Variants in MON1A observed in about 807,000 individuals in gnomAD.
MON1A encodes MON1 vesicular trafficking associated A.
A neutral mutation model predicts 44.6 loss-of-function variants in MON1A; 29 were observed. The observed-to-expected ratio is 0.65, with a 90% CI of 0.48 to 0.89. The LOEUF is 0.89. Ranked by LOEUF, MON1A falls within the 40% of genes least tolerant of loss-of-function variation. The probability of loss-of-function intolerance (pLI) is 0.00; values close to 1 mark genes in which losing one functional copy is unlikely to be tolerated. For missense variants in MON1A, 615 were observed against 759.6 expected (o/e 0.81, Z 2.24); for synonymous variants, 275 against 316.4 (o/e 0.87, Z 1.39).
intron 1 of MON1A, among the ~76,000 whole-genome samples, chr3:49,916,271 CA>C (rs1340428549): frequency 6.6e-6 from 1 of 152,212 alleles, no homozygotes; most frequent in Non-Finnish European, 1.5e-5. Context: ...GCATCACCAT[CA>C]GTAGCATTTG....
In MON1A at chr3:49,910,916, C is replaced by A. The variant is rs1362280485; in HGVS notation, c.614-32G>T. The A allele has an allele frequency of 1.3e-6, 2 of 1,556,942 alleles. No individual in the cohort carries two copies. Among genetic ancestry groups the A allele is most frequent in the Admixed American group, 3.9e-5 (2 of 51,864 alleles). On this transcript the variant is annotated intron_variant, in intron 3 of 5. Transcript: ENST00000296473. The surrounding 1 kb of genome is among the most constrained non-coding windows in gnomAD (Gnocchi z 8.0). ...GCGGGACAGGAAAGAAGGATGTCAG[C>A]CTCAGCGGCAGCTCCCTCCGAAAAC...
Position 49,929,635 on chromosome 3 carries a change from A to T in MON1A, c.-40T>A, listed in dbSNP as rs749245453. The stretch of plus-strand genomic sequence containing the variant: ...TGTTTCTCAGAGGAGTCCAGGACGC[A>T]CAGAAGGTGCCGGTCACTGCCCTCT... On this transcript the variant is annotated 5_prime_UTR_variant, in exon 1 of 6. Coordinates refer to ENST00000296473, the MANE Select transcript of MON1A (RefSeq NM_032355.4). 11 of 1,551,530 alleles carry T rather than the reference A, an allele frequency of 7.1e-6. No individual in the cohort carries two copies. The South Asian group carries it at 1.2e-4, about 17-fold the overall frequency.
At position 49,910,371 on chromosome 3, in the gene MON1A, C is replaced by A; in HGVS notation, c.1127G>T (p.Gly376Val). Residue 376 changes from glycine to valine, a missense_variant, in exon 4 of 6, where the codon GGC (glycine) becomes GTC (valine). By Grantham distance (109) the Gly-to-Val change is moderately radical (BLOSUM62 -3). Transcript: ENST00000296473. The surrounding 1 kb of genome is among the most constrained non-coding windows in gnomAD (Gnocchi z 8.0). ...PVCLPKFNAA[G>V]FFHAHISYLE... ...GTAAGAGATGTGTGCGTGGAAGAAG[C>A]CGGCTGCGTTGAATTTGGGCAGGCA... 3 of 1,614,220 alleles carry A rather than the reference C, an allele frequency of 1.9e-6. No homozygotes were observed.
chr3:49,914,090 C>CTTT (rs776537293), intron 1 of MON1A, among the ~76,000 whole-genome samples: 7 of 133,466 alleles, frequency 5.2e-5, no homozygotes, highest in Non-Finnish European at 8.1e-5. Flanking sequence ...TCTTCTTCTT[C>CTTT]TTTTTTTTTT....
rs1331503354 is a variant in MON1A, at chr3:49,911,712, C to T, written c.427G>A (p.Asp143Asn). The T allele has an allele frequency of 1.2e-6, 2 of 1,613,914 alleles. No individual in the cohort carries two copies. Among genetic ancestry groups the T allele is most frequent in the South Asian group, 2.2e-5 (2 of 91,094 alleles). ...EPPREGTTEGDEEDATEAWRL... is the reference protein window; with the variant it reads ...EPPREGTTEGNEEDATEAWRL... The stretch of plus-strand genomic sequence containing the variant: ...CATGCCTCCGTGGCATCCTCCTCAT[C>T]CCCCTCGGTTGTGCCCTCCCTGGGG... Residue 143 changes from aspartate to asparagine, a missense_variant, in exon 3 of 6, where the codon GAT becomes AAT. By Grantham distance (23) the Asp-to-Asn change is conservative. Transcript: ENST00000296473. The surrounding 1 kb of genome is among the most constrained non-coding windows in gnomAD (Gnocchi z 5.7).
At chr3:49,924,903 A>G (rs926198332) in intron 1 of MON1A, among the ~76,000 whole-genome samples, 1 of 152,212 alleles carries the variant, frequency 6.6e-6, no homozygotes, top group Non-Finnish European at 1.5e-5. Flanking sequence ...TCTCGGAAGC[A>G]GATCATCTAG....
In MON1A at chr3:49,910,785, T is replaced by C; in HGVS notation, c.713A>G (p.Tyr238Cys). The part of the protein sequence containing the change: ...SAQELAQELL[Y>C]IYYQILSLLT... ...AAGGCTTAGGATCTGGTAGTAGATGTAGAGCAGCTCCTGCGCCAGCTCTTG... is the reference window on the plus strand; with the variant it reads ...AAGGCTTAGGATCTGGTAGTAGATGCAGAGCAGCTCCTGCGCCAGCTCTTG... Residue 238 changes from tyrosine to cysteine, a missense_variant, in exon 4 of 6, where the codon TAC (tyrosine) becomes TGC (cysteine). Tyr to Cys is a radical substitution (Grantham distance 194, BLOSUM62 -2). Coordinates refer to ENST00000296473, the MANE Select transcript of MON1A (RefSeq NM_032355.4). The surrounding 1 kb of genome is among the most constrained non-coding windows in gnomAD (Gnocchi z 8.0). 1.2e-6 allele frequency: 2 copies of C among 1,614,006 alleles called. No individual in the cohort carries two copies. Among genetic ancestry groups the C allele is most frequent in the African/African-American group, 2.7e-5 (2 of 74,996 alleles).
intron 1 of MON1A, chr3:49,924,426 C>G (rs975683666): frequency 4.8e-6 from 1 of 208,424 alleles, no homozygotes; most frequent in Non-Finnish European, 1.0e-5. Flanking sequence ...TGCCTGTAAT[C>G]CCAGCACTTT....
intron 1 of MON1A, among the ~76,000 whole-genome samples, chr3:49,917,417 C>G (rs1398868519): frequency 6.6e-6 from 1 of 152,142 alleles, no homozygotes; most frequent in Non-Finnish European, 1.5e-5. Context: ...TCCCGAGTAG[C>G]TGGGACTATA....
chr3:49,917,860 A>G (rs886498556), intron 1 of MON1A, among the ~76,000 whole-genome samples: 3 of 151,836 alleles, frequency 2.0e-5, no homozygotes, highest in Non-Finnish European at 4.4e-5. Flanking sequence ...CAGCCTGACC[A>G]ACATGAAGAA....
rs868562182 is a variant in MON1A at position 49,910,680 on chromosome 3, C to T, written c.818G>A (p.Arg273His). Residue 273 changes from arginine to histidine, a missense_variant, in exon 4 of 6, where the codon CGC (arginine) becomes CAC (histidine). Physicochemically the swap from Arg to His is conservative, Grantham distance 29. Coordinates refer to ENST00000296473, the MANE Select transcript of MON1A (RefSeq NM_032355.4). This position sits in a 1 kb window ranked among gnomAD's most constrained non-coding sequence, Gnocchi z 8.0. ...DLRRLLSGSE[R>H]ITDNLLQLMA... ...GAGCTGCAGCAGGTTGTCGGTGATG[C>T]GCTCTGAGCCCGAGAGTAGGCGCCG... The T allele has an allele frequency of 1.9e-6, 3 of 1,609,388 alleles. No homozygotes were observed. Among genetic ancestry groups the T allele is most frequent in the South Asian group, 1.1e-5 (1 of 90,362 alleles).
intron 1 of MON1A, among the ~76,000 whole-genome samples, chr3:49,913,638 C>T (rs998416587): frequency 9.3e-6 from 1 of 107,782 alleles, no homozygotes; most frequent in African/African-American, 3.5e-5. Flanking sequence ...ACTGTTCATA[C>T]GTTAGTGTAT....
chr3:49,912,015 C>A lies in MON1A; in HGVS notation c.128-4G>T. 1 of 1,562,772 alleles carries A rather than the reference C, an allele frequency of 6.4e-7. No homozygotes were observed. ...ATGGCACCCTCCTGGCCCGCACCTG[C>A]AGGCCAAAAGCACTGGTGCTTAGAG... On this transcript the variant is annotated splice_polypyrimidine_tract_variant and splice_region_variant and intron_variant, in intron 2 of 5. Transcript: ENST00000296473.
Position 49,922,704 on chromosome 3 carries a change from C to CTT in MON1A, c.-14+6903_-14+6904dup, listed in dbSNP as rs1215141576. Among the ~76,000 whole-genome samples the CTT allele has an allele frequency of 5.8e-4, 83 of 142,252 alleles. No homozygotes were observed. The South Asian group carries it at 8.1e-3, about 14-fold the overall frequency. 93.3% of individuals were successfully genotyped at this position (142,252 alleles called of 152,430 possible). ...AGAACGAAAGAAAAAAAGACAATTT[C>CTT]TTTTTTTTTTTTTTGAGACAGTCTT... On this transcript the variant is annotated intron_variant, in intron 1 of 5. Transcript: ENST00000296473.
At position 49,910,449 on chromosome 3, in the gene MON1A, T is replaced by C. The variant is rs763954342; in HGVS notation, c.1049A>G (p.Asn350Ser). 4.3e-6 allele frequency: 7 copies of C among 1,614,166 alleles called. No individual in the cohort carries two copies. Among genetic ancestry groups the C allele is most frequent in the East Asian group, 2.2e-5 (1 of 44,864 alleles). Residue 350 changes from asparagine (N) to serine (S), a missense_variant, in exon 4 of 6, where the codon AAC (asparagine) becomes AGC (serine). Transcript: ENST00000296473. The surrounding 1 kb of genome is among the most constrained non-coding windows in gnomAD (Gnocchi z 8.0). The stretch of plus-strand genomic sequence containing the variant: ...AAAGGACGAGGAGGAACTAATGAGG[T>C]TGAAGAGCAGGTGCAGGTCGATGGG... ...LHPIDLHLLFNLISSSSSFRE... is the reference protein window; with the variant it reads ...LHPIDLHLLFSLISSSSSFRE...
At chr3:49,914,540 A>ATTTTTTT (rs35967703) in intron 1 of MON1A, among the ~76,000 whole-genome samples, 4 of 85,980 alleles carry the variant, frequency 4.7e-5, no homozygotes, top group Non-Finnish European at 8.8e-5. Flanking sequence ...CGCCTGCCTA[A>ATTTTTTT]TTTTTTTTTT....
At chr3:49,927,243 A>G (rs576984660) in intron 1 of MON1A, among the ~76,000 whole-genome samples, 1 of 152,286 alleles carries the variant, frequency 6.6e-6, no homozygotes, top group African/African-American at 2.4e-5. Context: ...TTCAGGAACA[A>G]TGGCTCCGAA....
chr3:49,916,395 G>A (rs2082943650), intron 1 of MON1A: 1 of 152,164 alleles, frequency 6.6e-6, no homozygotes, highest in South Asian at 2.1e-4. Flanking sequence ...TCTTCTTTTT[G>A]TCACCTTTAA....
In MON1A at chr3:49,910,523, G is replaced by C; in HGVS notation, c.975C>G (p.Ala325=). ...ARSLVFSILL[A]RNQLVALVRR... Reference sequence around the variant, plus strand: ...GCACGAGTGCCACGAGCTGGTTGCGGGCCAGCAGGATGGAGAAGACCAGGC... The same window carrying C: ...GCACGAGTGCCACGAGCTGGTTGCGCGCCAGCAGGATGGAGAAGACCAGGC... Residue 325 remains alanine (A), a synonymous_variant, in exon 4 of 6, where the codon GCC becomes GCG. Transcript: ENST00000296473. This position sits in a 1 kb window ranked among gnomAD's most constrained non-coding sequence, Gnocchi z 8.0. The C allele has an allele frequency of 6.2e-7, 1 of 1,613,816 alleles. No individual in the cohort carries two copies. The highest frequency in any genetic ancestry group is 8.5e-7 in the Non-Finnish European group (1 of 1,179,888).
Sources: allele counts gnomAD v4.1 joint callset (sites outside exome capture counted in the v4.1 genomes callset), GRCh38; gene constraint gnomAD v4.1.1; non-coding constraint Gnocchi (gnomAD v3.1); transcripts MANE v1.5; gene names NCBI Gene and HGNC (gene_info 2026-07-23, HGNC 2026-07-21).